The following DNAH6 variants were observed in gnomAD, a reference collection of about 807,000 sequenced individuals.
DNAH6 encodes axonemal beta dynein heavy chain 6.
In DNAH6, 340 loss-of-function variants were observed where a neutral mutation model predicts 491.4. That is an observed-to-expected ratio of 0.69 (90% confidence interval 0.63 to 0.76). DNAH6 has a LOEUF of 0.76. Among genes scored for constraint, DNAH6 ranks in the 30% least tolerant of loss-of-function variants. DNAH6 has a pLI of 0.00. For missense variants in DNAH6, 4,443 were observed against 4,972.2 expected, an observed-to-expected ratio of 0.89 and a Z score of 3.20; for synonymous variants, 1,603 against 1,686.1, an observed-to-expected ratio of 0.95 and a Z score of 1.21.
At chr2:84,523,063 T>C (rs554788967) in intron 2 of DNAH6, among the ~76,000 whole-genome samples, 2 of 152,208 alleles carry the variant, frequency 1.3e-5, no homozygotes, top group East Asian at 3.9e-4. Context: ...TCTTTGCATA[T>C]CTGGTAGAAT....
intron 11 of DNAH6, among the ~76,000 whole-genome samples, chr2:84,570,891 C>T (rs1215193810): frequency 6.6e-6 from 1 of 152,176 alleles, no homozygotes; most frequent in Non-Finnish European, 1.5e-5. Flanking sequence ...CTGGGAAGGT[C>T]TGCGGCTTCA....
At chr2:84,565,392 G>A (rs891884208) in intron 11 of DNAH6, among the ~76,000 whole-genome samples, 3 of 151,014 alleles carry the variant, frequency 2.0e-5, no homozygotes, top group African/African-American at 7.3e-5. Context: ...TGGTCTGTTC[G>A]GGGTTTCACT....
intron 22 of DNAH6, among the ~76,000 whole-genome samples, chr2:84,615,219 G>A (rs1686728513): frequency 6.6e-6 from 1 of 151,990 alleles, no homozygotes; most frequent in Non-Finnish European, 1.5e-5. Flanking sequence ...TTTTAGGTGA[G>A]AGATGAGGAT....
At chr2:84,803,541 T>C (rs1679126418) in intron 70 of DNAH6, among the ~76,000 whole-genome samples, 1 of 151,680 alleles carries the variant, frequency 6.6e-6, no homozygotes, top group African/African-American at 2.4e-5. Flanking sequence ...TAGAATTATC[T>C]TATAAATTAA....
chr2:84,710,752 G>A (rs1256754169), intron 56 of DNAH6, among the ~76,000 whole-genome samples: 1 of 152,024 alleles, frequency 6.6e-6, no homozygotes, highest in Non-Finnish European at 1.5e-5. Context: ...CAATAATGAT[G>A]CGAAGCCAGT....
At chr2:84,549,575 T>A (rs1679123125) in intron 8 of DNAH6, among the ~76,000 whole-genome samples, 2 of 152,232 alleles carry the variant, frequency 1.3e-5, no homozygotes, top group African/African-American at 4.8e-5. Flanking sequence ...TTAAAAAATA[T>A]TATGGCCCTT....
At chr2:84,513,009 G>A (rs993717355), upstream of DNAH6, among the ~76,000 whole-genome samples, 4 of 151,868 alleles carry the variant, frequency 2.6e-5, no homozygotes, top group African/African-American at 9.7e-5. Flanking sequence ...TTGACATTTT[G>A]TATTTGTTTT....
At chr2:84,462,048 A>C in the DNAH6 span, among the ~76,000 whole-genome samples, 1 of 152,232 alleles carries the variant, frequency 6.6e-6, no homozygotes, top group African/African-American at 2.4e-5. Flanking sequence ...CCTGAGGCAA[A>C]CCTACCTCCC....
intron 16 of DNAH6, among the ~76,000 whole-genome samples, chr2:84,592,422 A>G (rs752416754): frequency 2.6e-5 from 4 of 152,182 alleles, no homozygotes; most frequent in Non-Finnish European, 5.9e-5. Context: ...TAGAATGGCC[A>G]TTACAAAAAT....
chr2:84,620,631 A>T (rs1402788186), intron 24 of DNAH6, among the ~76,000 whole-genome samples: 1 of 152,196 alleles, frequency 6.6e-6, no homozygotes, highest in African/African-American at 2.4e-5. Context: ...TATCTATGGG[A>T]ACATATAAAC....
chr2:84,528,956 A>G lies in DNAH6; in HGVS notation c.452A>G (p.His151Arg), dbSNP rs191347930. The change falls in exon 4 of 77, where the codon CAT (histidine) becomes CGT (arginine). Residue 151 changes from histidine to arginine, a missense_variant. Physicochemically the swap from His to Arg is conservative, Grantham distance 29 (BLOSUM62 0). Around this residue, in one of 3 missense-constraint regions of DNAH6, gnomAD observed 2,977 missense variants for 3,296.6 expected, o/e 0.90. Coordinates refer to ENST00000389394, the MANE Select transcript of DNAH6 (RefSeq NM_001370.2). ...TCTCCCTCTCCTCCTAAACTGCCAC[A>G]TACTGGTATTGGAAAAAGAGGTCTC... Reference protein sequence around the residue: ...VFSPSPPKLPHTGIGKRGLFG... With the variant: ...VFSPSPPKLPRTGIGKRGLFG... The G allele has an allele frequency of 3.9e-6, 6 of 1,550,814 alleles. No individual in the cohort carries two copies. Among genetic ancestry groups the G allele is most frequent in the East Asian group, 2.4e-5 (1 of 40,876 alleles).
intron 29 of DNAH6, among the ~76,000 whole-genome samples, chr2:84,631,712 GA>G (rs1255294596): frequency 5.3e-5 from 8 of 152,150 alleles, no homozygotes; most frequent in Non-Finnish European, 1.0e-4. Context: ...CAAGAGGCAA[GA>G]AAGAATCCTA....
chr2:84,694,379 C>G lies in DNAH6; in HGVS notation c.7423C>G (p.Arg2475Gly). ...CAAATGTTTGCAGATTGAACTCAGCCGGGGATATAATTATGATAGTTTTCA... is the reference window on the plus strand; with the variant it reads ...CAAATGTTTGCAGATTGAACTCAGCGGGGGATATAATTATGATAGTTTTCA... ...GYKCLQIELSRGYNYDSFHED... is the reference protein window; with the variant it reads ...GYKCLQIELSGGYNYDSFHED... Residue 2475 changes from arginine to glycine, a missense_variant, in exon 46 of 77, where the codon CGG (arginine) becomes GGG (glycine). Arg to Gly is a moderately radical substitution (Grantham distance 125). This residue lies in a region of DNAH6 where 2,977 missense variants were observed against 3,296.6 expected (regional missense o/e 0.90). Transcript: ENST00000389394. 1 of 1,552,292 alleles carries G rather than the reference C, an allele frequency of 6.4e-7. No individual in the cohort carries two copies. The highest frequency in any genetic ancestry group is 8.7e-7 in the Non-Finnish European group (1 of 1,147,120).
intron 59 of DNAH6, among the ~76,000 whole-genome samples, chr2:84,720,245 C>T (rs1697970695): frequency 6.7e-6 from 1 of 149,802 alleles, no homozygotes; most frequent in South Asian, 2.1e-4. Flanking sequence ...ATTTTAAGCC[C>T]TTCCCACTTC....
chr2:84,508,194 T>G, the DNAH6 span, among the ~76,000 whole-genome samples: 57 of 152,334 alleles, frequency 3.7e-4, no homozygotes, highest in South Asian at 7.9e-3. Flanking sequence ...ATCCGTCTGG[T>G]CCTGGACTTT....
chr2:84,579,124 T>C (rs1682764284), intron 13 of DNAH6, among the ~76,000 whole-genome samples: 1 of 152,182 alleles, frequency 6.6e-6, no homozygotes. Context: ...AAAAGCCATG[T>C]TCCTATTTGC....
intron 33 of DNAH6, among the ~76,000 whole-genome samples, chr2:84,648,990 G>C (rs1690157964): frequency 6.6e-6 from 1 of 152,164 alleles, no homozygotes; most frequent in African/African-American, 2.4e-5. Flanking sequence ...AGTCACTCCA[G>C]CCTTCAGCAA....
chr2:84,491,891 T>G, the DNAH6 span, among the ~76,000 whole-genome samples: 2 of 152,214 alleles, frequency 1.3e-5, no homozygotes, highest in African/African-American at 4.8e-5. Context: ...TATGCTTCAC[T>G]GCAGGGTTGA....
At chr2:84,550,567 C>T (rs1233428549) in intron 9 of DNAH6, among the ~76,000 whole-genome samples, 1 of 152,116 alleles carries the variant, frequency 6.6e-6, no homozygotes, top group Non-Finnish European at 1.5e-5. Context: ...AGCATATCAA[C>T]AAGTATCTAA....
Sources: gnomAD v4.1 joint callset for allele counts (sites outside exome capture counted in the v4.1 genomes callset) on GRCh38, gnomAD v4.1.1 for gene constraint, gnomAD v4.1.1 regional missense constraint, MANE v1.5 for transcripts, NCBI Gene and HGNC (gene_info 2026-07-23, HGNC 2026-07-21) for gene names.